Variants in RASGRF2 observed in about 807,000 individuals in gnomAD.
RASGRF2 encodes ras-specific guanine nucleotide-releasing factor 2.
A neutral mutation model predicts 151.0 loss-of-function variants in RASGRF2; 76 were observed. That is an observed-to-expected ratio of 0.50 (90% CI 0.42 to 0.61). RASGRF2 has a LOEUF of 0.61. Among genes scored for constraint, RASGRF2 ranks in the 20% least tolerant of loss-of-function variants. The probability of loss-of-function intolerance (pLI) is 0.00; values close to 1 mark genes in which losing one functional copy is unlikely to be tolerated. For synonymous variants in RASGRF2, 504 were observed against 566.5 expected (o/e 0.89, Z 1.57); for missense variants, 1,148 against 1,564.6 (o/e 0.73, Z 4.49).
chr5:81,017,706 A>G (rs1345414870), intron 1 of RASGRF2, among the ~76,000 whole-genome samples: 1 of 152,210 alleles, frequency 6.6e-6, no homozygotes. Context: ...TTGAAGTTAA[A>G]CCTGCCCATG....
intron 15 of RASGRF2, among the ~76,000 whole-genome samples, chr5:81,115,751 G>A (rs1431621420): frequency 6.6e-6 from 1 of 152,190 alleles, no homozygotes; most frequent in Non-Finnish European, 1.5e-5. Flanking sequence ...GAATCATTGA[G>A]TGAGCCTCTT....
rs534432276 is a variant in RASGRF2, at chr5:80,973,250, T to C, written c.288+12224T>C. On this transcript the variant is annotated intron_variant, in intron 1 of 26. Coordinates refer to ENST00000265080, the MANE Select transcript of RASGRF2 (RefSeq NM_006909.3). The stretch of plus-strand genomic sequence containing the variant: ...AACCATAGGTGGAATAGAATGTGCT[T>C]ACAGTAGGTTGCGGTTGCCACCCCA... Among the ~76,000 whole-genome samples, 10 of 152,290 alleles carry C rather than the reference T, an allele frequency of 6.6e-5. No homozygotes were observed. In the South Asian group the frequency reaches 1.0e-3, roughly 16 times the overall value.
At chr5:81,175,423 G>C (rs1171025792) in intron 17 of RASGRF2, among the ~76,000 whole-genome samples, 2 of 152,140 alleles carry the variant, frequency 1.3e-5, no homozygotes, top group Non-Finnish European at 2.9e-5. Context: ...ATACAAACCA[G>C]TTACATGCTT....
At position 81,043,486 on chromosome 5, in the gene RASGRF2, C is replaced by T. The variant is rs1048026458; in HGVS notation, c.395+503C>T. ...GGTTATCAAAAGAAGGGGATGACAT[C>T]CTCTATTTAAAGAAATAGAACACTG... On this transcript the variant is annotated intron_variant, in intron 2 of 26. Coordinates refer to ENST00000265080, the MANE Select transcript of RASGRF2 (RefSeq NM_006909.3). Among the ~76,000 whole-genome samples, 8 of 152,300 alleles carry T rather than the reference C, an allele frequency of 5.3e-5. No homozygotes were observed. In the South Asian group the frequency reaches 1.7e-3, roughly 32 times the overall value.
chr5:81,087,237 G>C, intron 9 of RASGRF2: 1 of 703,084 alleles, frequency 1.4e-6, no homozygotes, highest in African/African-American at 1.7e-5. Context: ...GCAGCTCCAA[G>C]GAGGACCGGT....
chr5:81,186,103 A>G (rs1367984139), intron 18 of RASGRF2, among the ~76,000 whole-genome samples: 2 of 152,236 alleles, frequency 1.3e-5, no homozygotes, highest in Non-Finnish European at 2.9e-5. Flanking sequence ...GTTCTCTTAC[A>G]TTCATTTTAT....
At chr5:80,993,587 A>T (rs1313692449) in intron 1 of RASGRF2, among the ~76,000 whole-genome samples, 1 of 152,296 alleles carries the variant, frequency 6.6e-6, no homozygotes, top group Middle Eastern at 3.4e-3. Flanking sequence ...TTCAATAAAG[A>T]GATGATTTAC....
At chr5:81,057,164 C>G (rs1751246800) in intron 2 of RASGRF2, among the ~76,000 whole-genome samples, 2 of 152,116 alleles carry the variant, frequency 1.3e-5, no homozygotes, top group Admixed American at 1.3e-4. Flanking sequence ...TGAATTTGAT[C>G]CTGTCATTAT....
intron 17 of RASGRF2, among the ~76,000 whole-genome samples, chr5:81,179,023 C>T (rs1180393331): frequency 2.6e-5 from 4 of 152,206 alleles, no homozygotes; most frequent in Non-Finnish European, 4.4e-5. Flanking sequence ...AGGCATGAGC[C>T]ACCGTGCCCA....
intron 2 of RASGRF2, among the ~76,000 whole-genome samples, chr5:81,044,361 T>C (rs904575445): frequency 1.3e-5 from 2 of 152,042 alleles, no homozygotes; most frequent in Non-Finnish European, 2.9e-5. Flanking sequence ...GAGGATACAG[T>C]GAGCCAAGAT....
At chr5:81,095,270 G>A (rs1388329330) in intron 12 of RASGRF2, among the ~76,000 whole-genome samples, 1 of 152,186 alleles carries the variant, frequency 6.6e-6, no homozygotes, top group Non-Finnish European at 1.5e-5. Flanking sequence ...GTGTTGAACA[G>A]TATTGAGATT....
chr5:81,006,385 T>G (rs369366422), intron 1 of RASGRF2, among the ~76,000 whole-genome samples: 47 of 152,316 alleles, frequency 3.1e-4, no homozygotes, highest in African/African-American at 1.1e-3. Context: ...AAAAGTCTTT[T>G]GAGTTAAGTG....
chr5:80,972,775 A>G (rs1747981092), intron 1 of RASGRF2, among the ~76,000 whole-genome samples: 1 of 152,192 alleles, frequency 6.6e-6, no homozygotes, highest in Admixed American at 6.5e-5. Context: ...CCACCGCACC[A>G]GCCTGTTCTC....
intron 23 of RASGRF2, 106 bp downstream of exon 23, chr5:81,212,669 C>A: frequency 1.8e-6 from 2 of 1,112,666 alleles, no homozygotes; most frequent in Non-Finnish European, 2.5e-6. Flanking sequence ...TGAAATGAGC[C>A]GCTCAGTTGC....
chr5:80,961,156 A>T, intron 1 of RASGRF2, 130 bp downstream of exon 1: 3 of 1,068,944 alleles, frequency 2.8e-6, no homozygotes, highest in Non-Finnish European at 3.8e-6. Flanking sequence ...CCCCCGCGTC[A>T]CCAGTGGCGG....
chr5:81,195,586 T>C (rs1382725430), intron 18 of RASGRF2, among the ~76,000 whole-genome samples: 1 of 151,912 alleles, frequency 6.6e-6, no homozygotes, highest in Non-Finnish European at 1.5e-5. Context: ...TTTTTTTTTT[T>C]TTGATAGATA....
At chr5:81,131,026 A>C (rs1753603344) in intron 17 of RASGRF2, among the ~76,000 whole-genome samples, 1 of 152,112 alleles carries the variant, frequency 6.6e-6, no homozygotes, top group Non-Finnish European at 1.5e-5. Flanking sequence ...AATATATAGG[A>C]ATCTGGCACC....
rs1749741993 is a variant in RASGRF2, at chr5:81,019,093, G to C, written c.289-23784G>C. 2.7e-5 allele frequency among the ~76,000 whole-genome samples: 3 copies of C among 109,434 alleles called. No homozygotes were observed. The Admixed American group carries it at 3.0e-4, about 11-fold the overall frequency. The allele number at this position is 109,434 out of a possible 152,430, so 71.8% of individuals were successfully genotyped here. ...TGGTATTACAGGCTTAAGGCACTGC[G>C]CCTGGCGCATCTGCACATCTTGAAA... On this transcript the variant is annotated intron_variant, in intron 1 of 26. Coordinates refer to ENST00000265080, the MANE Select transcript of RASGRF2 (RefSeq NM_006909.3).
intron 18 of RASGRF2, among the ~76,000 whole-genome samples, chr5:81,186,500 C>CAT (rs1247770911): frequency 1.3e-5 from 2 of 152,192 alleles, no homozygotes; most frequent in African/African-American, 4.8e-5. Flanking sequence ...GTATGTTTTA[C>CAT]ATATATGCAC....
Sources: gnomAD v4.1 joint callset for allele counts (sites outside exome capture counted in the v4.1 genomes callset) on GRCh38, gnomAD v4.1.1 for gene constraint, MANE v1.5 for transcripts, NCBI Gene and HGNC (gene_info 2026-07-23, HGNC 2026-07-21) for gene names.